DCLK3: variants seen among roughly 807,000 people sequenced by gnomAD.
DCLK3 encodes the protein serine/threonine-protein kinase DCLK3.
DCLK3 carries 30 observed loss-of-function variants against 46.4 expected under a neutral mutation model. The ratio of observed to expected loss-of-function variants is 0.65; its 90% CI spans 0.48 to 0.88. The LOEUF is 0.88. Among genes scored for constraint, DCLK3 ranks in the 40% least tolerant of loss-of-function variants. DCLK3 has a pLI of 0.00. For synonymous variants in DCLK3, 401 were observed against 339.2 expected (o/e 1.18, Z -2.00); for missense variants, 846 against 907.1 (o/e 0.93, Z 0.87).
At chr3:36,717,702 A>G (rs1005899323) in intron 4 of DCLK3, among the ~76,000 whole-genome samples, 3 of 152,216 alleles carry the variant, frequency 2.0e-5, no homozygotes, top group Non-Finnish European at 4.4e-5. Context: ...TGCATATAAG[A>G]TGGCCTTTCT....
chr3:36,759,869 C>G (rs1043228145), intron 1 of DCLK3, among the ~76,000 whole-genome samples: 5 of 152,220 alleles, frequency 3.3e-5, no homozygotes, highest in African/African-American at 1.2e-4. Context: ...ATTACCCTAA[C>G]GCCACAGAGT....
In DCLK3 at chr3:36,737,183, C is replaced by T; in HGVS notation, c.1959+25G>A. Reference sequence around the variant, plus strand: ...CCCATATTCTAAAAACACCCTCTCCCATATCATCAAAAGTCAAGGCTTACC... The same window carrying T: ...CCCATATTCTAAAAACACCCTCTCCTATATCATCAAAAGTCAAGGCTTACC... On this transcript the variant is annotated intron_variant, in intron 2 of 4. Transcript: ENST00000636136. This position sits in a 1 kb window ranked among gnomAD's most constrained non-coding sequence, Gnocchi z 4.4. 6.2e-7 allele frequency: 1 copy of T among 1,603,108 alleles called. No individual in the cohort carries two copies. Among genetic ancestry groups the T allele is most frequent in the Non-Finnish European group, 8.5e-7 (1 of 1,173,346 alleles).
At chr3:36,752,215 G>T (rs55739925) in intron 1 of DCLK3, among the ~76,000 whole-genome samples, 6,439 of 152,252 alleles carry the variant, frequency 0.042, 209 homozygotes, top group Non-Finnish European at 0.067. Context: ...GGTGTGGGGA[G>T]GGGTACCAAA....
chr3:36,725,822 T>A (rs1575136906), intron 2 of DCLK3, among the ~76,000 whole-genome samples: 1 of 152,322 alleles, frequency 6.6e-6, no homozygotes, highest in East Asian at 1.9e-4. Flanking sequence ...TCACCTTCAC[T>A]CTGAATGAAT....
intron 3 of DCLK3, among the ~76,000 whole-genome samples, chr3:36,718,662 C>T (rs1205320194): frequency 2.6e-5 from 4 of 152,162 alleles, no homozygotes; most frequent in African/African-American, 9.7e-5. Flanking sequence ...TGACCCTTCA[C>T]TGGAGGTAGT....
chr3:36,759,493 G>C (rs570480499), intron 1 of DCLK3, among the ~76,000 whole-genome samples: 148 of 152,118 alleles, frequency 9.7e-4, no homozygotes, highest in African/African-American at 3.3e-3. Context: ...CACATTGTGT[G>C]TGAGAAGTAA....
chr3:36,731,777 C>T (rs1162714380), intron 2 of DCLK3, among the ~76,000 whole-genome samples: 2 of 152,100 alleles, frequency 1.3e-5, no homozygotes, highest in Non-Finnish European at 2.9e-5. Flanking sequence ...TTGCTGGGAC[C>T]ATGGCTGCGG....
At chr3:36,745,173 T>A (rs920161043) in intron 1 of DCLK3, among the ~76,000 whole-genome samples, 1 of 152,158 alleles carries the variant, frequency 6.6e-6, no homozygotes. Context: ...AAGTTTAGCA[T>A]CAAGAAAAAA....
chr3:36,731,160 T>G (rs1283575104), intron 2 of DCLK3, among the ~76,000 whole-genome samples: 3 of 152,200 alleles, frequency 2.0e-5, no homozygotes, highest in Non-Finnish European at 2.9e-5. Context: ...GCCCAGCTGA[T>G]GAAGGAATGG....
At chr3:36,730,193 TACACAC>T (rs55833576) in intron 2 of DCLK3, among the ~76,000 whole-genome samples, 16,907 of 143,092 alleles carry the variant, frequency 0.12, 1,054 homozygotes, top group Middle Eastern at 0.16. Context: ...ACACCATATA[TACACAC>T]ACACACACAC....
At chr3:36,752,155 C>T (rs73054245) in intron 1 of DCLK3, among the ~76,000 whole-genome samples, 5,948 of 152,320 alleles carry the variant, frequency 0.039, 179 homozygotes, top group Middle Eastern at 0.068. Context: ...GGTCACACAT[C>T]CAACTCTGCC....
At chr3:36,717,856 AC>A (rs1450343848) in intron 4 of DCLK3, among the ~76,000 whole-genome samples, 153 bp downstream of exon 4, 1 of 152,174 alleles carries the variant, frequency 6.6e-6, no homozygotes. Context: ...TCAGAGTGCT[AC>A]ACAAACCTAC....
chr3:36,722,495 A>G (rs1701073840), intron 2 of DCLK3, among the ~76,000 whole-genome samples: 1 of 152,150 alleles, frequency 6.6e-6, no homozygotes, highest in Admixed American at 6.6e-5. Context: ...CCAAAAATAT[A>G]TGCACCTAGT....
At chr3:36,716,234 C>A (rs990976446) in intron 4 of DCLK3, among the ~76,000 whole-genome samples, 1 of 152,198 alleles carries the variant, frequency 6.6e-6, no homozygotes, top group Non-Finnish European at 1.5e-5. Context: ...CTCATTGAGA[C>A]TGCTCTTCCA....
At position 36,738,818 on chromosome 3, in the gene DCLK3, G is replaced by A; in HGVS notation, c.349C>T (p.Arg117Ter). The A allele has an allele frequency of 1.1e-6, 1 of 896,862 alleles. No individual in the cohort carries two copies. Among genetic ancestry groups the A allele is most frequent in the Non-Finnish European group, 1.5e-6 (1 of 661,264 alleles). 55.6% of individuals were successfully genotyped at this position (896,862 alleles called of 1,614,324 possible). Residue 117 changes from arginine (R) to a stop codon, truncating the protein, a stop_gained, in exon 2 of 5, where the codon CGA becomes TGA. Coordinates refer to ENST00000636136, the MANE Select transcript of DCLK3 (RefSeq NM_001394672.2). LOFTEE classifies it high-confidence loss of function. ...PRKITLLLNR[R>*]SVQTFEQLLA... is the part of the protein sequence containing the mutation. ...AGCTGCTCGAACGTCTGCACTGATC[G>A]CCTGTTGAGGAGCAGAGTGATCTTT... is the stretch of plus-strand genomic sequence containing the variant.
At chr3:36,761,320 T>A (rs1357600377) in intron 1 of DCLK3, among the ~76,000 whole-genome samples, 1 of 152,178 alleles carries the variant, frequency 6.6e-6, no homozygotes, top group Non-Finnish European at 1.5e-5. Flanking sequence ...GAACAATTGC[T>A]ATTAAATGAA....
At chr3:36,715,613 G>A (rs1180283265) in intron 4 of DCLK3, 92 bp from the exon 5 acceptor site, 28 of 1,387,396 alleles carry the variant, frequency 2.0e-5, no homozygotes, top group African/African-American at 4.4e-5. Context: ...AAACATTCAC[G>A]TCAGCACCAC....
In DCLK3 at chr3:36,713,785, A is replaced by G. The variant is rs1700940826; in HGVS notation, c.*1543T>C. 1 of 152,440 alleles carries G rather than the reference A, an allele frequency of 6.6e-6. No individual in the cohort carries two copies. The highest frequency in any genetic ancestry group is 1.9e-4 in the East Asian group (1 of 5,182). 9.4% of individuals were successfully genotyped at this position (152,440 alleles called of 1,614,324 possible). A position where few individuals can be genotyped will look rare whatever the true frequency, so the allele number is the denominator to read the frequency against. ...TCAACCAACAGTTCAGCCAACCCCCATGGGCAGGTCCGTAGTTGGATGGCC... is the reference window on the plus strand; with the variant it reads ...TCAACCAACAGTTCAGCCAACCCCCGTGGGCAGGTCCGTAGTTGGATGGCC... On this transcript the variant is annotated 3_prime_UTR_variant, in exon 5 of 5. Transcript: ENST00000636136.
chr3:36,751,512 C>T (rs193173512), intron 1 of DCLK3, among the ~76,000 whole-genome samples: 1 of 152,358 alleles, frequency 6.6e-6, no homozygotes, highest in East Asian at 1.9e-4. Flanking sequence ...AGCCAACCTC[C>T]TGGGCAGAAA....
Sources: allele counts gnomAD v4.1 joint callset (sites outside exome capture counted in the v4.1 genomes callset), GRCh38; gene constraint gnomAD v4.1.1; non-coding constraint Gnocchi (gnomAD v3.1); transcripts MANE v1.5; gene names NCBI Gene and HGNC (gene_info 2026-07-23, HGNC 2026-07-21).